CFAP54: variants seen among roughly 807,000 people sequenced by gnomAD.
CFAP54 encodes the protein cilia and flagella associated protein 54, also known as cilia- and flagella-associated protein 54.
A neutral mutation model predicts 370.4 loss-of-function variants in CFAP54; 290 were observed. The ratio of observed to expected loss-of-function variants is 0.78; its 90% CI spans 0.71 to 0.86. CFAP54 has a LOEUF of 0.86. Ranked by LOEUF, CFAP54 falls within the 40% of genes least tolerant of loss-of-function variation. The pLI, the probability that CFAP54 is intolerant of heterozygous loss-of-function variation, is 0.00. For synonymous variants in CFAP54, 1,206 were observed against 1,236.5 expected (o/e 0.98, Z 0.52); for missense variants, 3,399 against 3,528.7 (o/e 0.96, Z 0.93).
At chr12:96,640,015 G>C in intron 32 of CFAP54, among the ~76,000 whole-genome samples, 1 of 152,100 alleles carries the variant, frequency 6.6e-6, no homozygotes, top group East Asian at 1.9e-4. Context: ...TTGAAAACTG[G>C]CACAAGACAA....
At chr12:96,795,287 A>C (rs776112586) in intron 63 of CFAP54, among the ~76,000 whole-genome samples, 1 of 152,106 alleles carries the variant, frequency 6.6e-6, no homozygotes, top group Non-Finnish European at 1.5e-5. Flanking sequence ...AGGTTGCCCT[A>C]GGGTTGCCTG....
At chr12:96,729,718 C>T (rs1957895063) in intron 50 of CFAP54, among the ~76,000 whole-genome samples, 1 of 152,228 alleles carries the variant, frequency 6.6e-6, no homozygotes, top group South Asian at 2.1e-4. Flanking sequence ...CTGTCTGGCA[C>T]TCCCTAGTGA....
chr12:96,576,644 G>T lies in CFAP54; in HGVS notation c.2679G>T (p.Gln893His), dbSNP rs1235503366. Residue 893 changes from glutamine (Q) to histidine (H), a missense_variant, in exon 20 of 68, where the codon CAG becomes CAT. This residue lies in a region of CFAP54 where 2,796 missense variants were observed against 2,869.7 expected (regional missense o/e 0.97). Coordinates refer to ENST00000524981, the MANE Select transcript of CFAP54 (RefSeq NM_001306084.2). Reference protein sequence around the residue: ...EAEQNALYSYQKYLESSKRKK... With the variant: ...EAEQNALYSYHKYLESSKRKK... ...AACAAAATGCCCTATATTCCTATCA[G>T]AAATATTTGGAAAGTTCAAAAAGAA... The T allele has an allele frequency of 2.0e-6, 3 of 1,535,116 alleles. No individual in the cohort carries two copies. The highest frequency in any genetic ancestry group is 2.4e-5 in the East Asian group (1 of 40,886).
chr12:96,874,712 C>T (rs1960259710), intron 67 of CFAP54, among the ~76,000 whole-genome samples: 2 of 144,646 alleles, frequency 1.4e-5, no homozygotes, highest in Admixed American at 7.0e-5. Flanking sequence ...TCACTGCAAG[C>T]TCCGCCTCCC....
At chr12:96,647,838 T>G (rs1205496062) in intron 33 of CFAP54, 37 bp from the exon 34 acceptor site, 1 of 1,462,192 alleles carries the variant, frequency 6.8e-7, no homozygotes, top group African/African-American at 1.5e-5. Flanking sequence ...CAATTTTGCT[T>G]ATATTGTTTT....
intron 22 of CFAP54, among the ~76,000 whole-genome samples, chr12:96,583,645 G>A (rs1355486304): frequency 6.6e-6 from 1 of 152,116 alleles, no homozygotes; most frequent in African/African-American, 2.4e-5. Flanking sequence ...TCCTTCCTCT[G>A]CCAAACCCAC....
chr12:96,837,168 A>G (rs1200053957), intron 66 of CFAP54, among the ~76,000 whole-genome samples: 1 of 152,186 alleles, frequency 6.6e-6, no homozygotes, highest in Non-Finnish European at 1.5e-5. Context: ...TGATAACCAC[A>G]TGCTGGTTAC....
intron 26 of CFAP54, among the ~76,000 whole-genome samples, chr12:96,611,525 A>G (rs1284923457): frequency 6.6e-6 from 1 of 152,244 alleles, no homozygotes; most frequent in African/African-American, 2.4e-5. Context: ...CAGTGGAACA[A>G]AGCTGGACGG....
intron 2 of CFAP54, among the ~76,000 whole-genome samples, chr12:96,501,963 T>C (rs1955033135): frequency 6.6e-6 from 1 of 152,110 alleles, no homozygotes; most frequent in African/African-American, 2.4e-5. Context: ...TTCATGTAAG[T>C]GGAATAAGAG....
At chr12:96,827,797 A>T (rs12831990) in intron 65 of CFAP54, among the ~76,000 whole-genome samples, 34,767 of 96,338 alleles carry the variant, frequency 0.36, 8,721 homozygotes, top group South Asian at 0.55. Context: ...ATATATAATT[A>T]TATATAATAC....
At position 96,727,816 on chromosome 12, in the gene CFAP54, G is replaced by A. The variant is rs1324024281; in HGVS notation, c.6965+7251G>A. On this transcript the variant is annotated intron_variant, in intron 50 of 67. Coordinates refer to ENST00000524981, the MANE Select transcript of CFAP54 (RefSeq NM_001306084.2). ...GCATTATTTTGCAGCGGCTGGTACC[G>A]GTTGTTCCTTTCCATGTTTAGTGCT... 7.1e-3 allele frequency among the ~76,000 whole-genome samples: 1,077 copies of A among 151,556 alleles called. 15 individuals are homozygous for A. The highest frequency in any genetic ancestry group is 0.025 in the African/African-American group (1,019 of 41,230).
Position 96,629,057 on chromosome 12 carries a change from T to G in CFAP54, c.4104-1036T>G, listed in dbSNP as rs150597781. The stretch of plus-strand genomic sequence containing the variant: ...TCAGAGGGCAGCAGTGGCTGGGAGC[T>G]TGCAAAAGATGGAACCAAAGAGATT... On this transcript the variant is annotated intron_variant, in intron 30 of 67. Coordinates refer to ENST00000524981, the MANE Select transcript of CFAP54 (RefSeq NM_001306084.2). 2.6e-3 allele frequency among the ~76,000 whole-genome samples: 400 copies of G among 152,246 alleles called. 3 individuals are homozygous for G. The highest frequency in any genetic ancestry group is 9.2e-3 in the African/African-American group (384 of 41,560).
intron 38 of CFAP54, among the ~76,000 whole-genome samples, 196 bp from the exon 39 acceptor site, chr12:96,663,634 G>T (rs1357751302): frequency 6.6e-6 from 1 of 152,026 alleles, no homozygotes; most frequent in Non-Finnish European, 1.5e-5. Context: ...CTGTACAAAA[G>T]AAATATGAAA....
chr12:96,641,591 G>A (rs947367836), intron 32 of CFAP54, among the ~76,000 whole-genome samples: 34 of 152,210 alleles, frequency 2.2e-4, no homozygotes, highest in African/African-American at 7.5e-4. Flanking sequence ...TATACCCAAA[G>A]GATTATAAAT....
At chr12:96,727,570 C>T (rs1313513090) in intron 50 of CFAP54, among the ~76,000 whole-genome samples, 11 of 147,628 alleles carry the variant, frequency 7.5e-5, no homozygotes, top group East Asian at 4.1e-4. Flanking sequence ...CTATGTGTGT[C>T]TCTGCACATG....
chr12:96,631,930 A>G (rs1218175044), intron 32 of CFAP54, among the ~76,000 whole-genome samples: 2 of 151,800 alleles, frequency 1.3e-5, no homozygotes, highest in Admixed American at 6.6e-5. Flanking sequence ...TTTTAGCATT[A>G]CTAGATATTG....
At position 96,743,791 on chromosome 12, in the gene CFAP54, G is replaced by A. The variant is rs1228924179; in HGVS notation, c.7438G>A (p.Ala2480Thr). Residue 2480 changes from alanine (A) to threonine (T), a missense_variant, in exon 54 of 68, where the codon GCA becomes ACA. Physicochemically the swap from Ala to Thr is moderately conservative, Grantham distance 58 (BLOSUM62 0). Around this residue, in one of 3 missense-constraint regions of CFAP54, gnomAD observed 2,796 missense variants for 2,869.7 expected, o/e 0.97. Transcript: ENST00000524981. Reference sequence around the variant, plus strand: ...TTCTCCTCAATCACGGCTAACCCTGGCAAGAAGCCTAGTTTTGCTGGATGA... The same window carrying A: ...TTCTCCTCAATCACGGCTAACCCTGACAAGAAGCCTAGTTTTGCTGGATGA... ...FISPQSRLTL[A>T]RSLVLLDDLT... The A allele has an allele frequency of 6.2e-7, 1 of 1,613,836 alleles. No individual in the cohort carries two copies. Among genetic ancestry groups the A allele is most frequent in the East Asian group, 2.2e-5 (1 of 44,860 alleles).
chr12:96,521,994 AG>A (rs1440073940), intron 7 of CFAP54, 24 bp downstream of exon 7: 1 of 1,523,946 alleles, frequency 6.6e-7, no homozygotes, highest in Non-Finnish European at 8.8e-7. Flanking sequence ...ATGAAATAAA[AG>A]AAATTTACCA....
chr12:96,743,099 T>C (rs1445807171), intron 52 of CFAP54, among the ~76,000 whole-genome samples: 1 of 152,210 alleles, frequency 6.6e-6, no homozygotes, highest in African/African-American at 2.4e-5. Context: ...TGTTAGTTCT[T>C]GCAGTGATTA....
Sources: allele counts gnomAD v4.1 joint callset (sites outside exome capture counted in the v4.1 genomes callset), GRCh38; gene constraint gnomAD v4.1.1; regional missense constraint gnomAD v4.1.1; transcripts MANE v1.5; gene names NCBI Gene and HGNC (gene_info 2026-07-23, HGNC 2026-07-21).